The following SLCO3A1 variants were observed in gnomAD, a reference collection of about 807,000 sequenced individuals.
SLCO3A1 encodes PGE1 transporter.
A neutral mutation model predicts 63.1 loss-of-function variants in SLCO3A1; 27 were observed. The ratio of observed to expected loss-of-function variants is 0.43; its 90% confidence interval spans 0.32 to 0.59. SLCO3A1 has a LOEUF of 0.59. Ranked by LOEUF, SLCO3A1 falls within the 20% of genes least tolerant of loss-of-function variation. The pLI is 0.09. For missense variants in SLCO3A1, 773 were observed against 945.8 expected, an observed-to-expected ratio of 0.82 and a Z score of 2.40; for synonymous variants, 473 against 409.9, an observed-to-expected ratio of 1.15 and a Z score of -1.86.
chr15:92,121,287 T>C (rs368330246), intron 5 of SLCO3A1, among the ~76,000 whole-genome samples: 60 of 152,210 alleles, frequency 3.9e-4, no homozygotes, highest in African/African-American at 1.3e-3. Flanking sequence ...TATATCATCC[T>C]TTACTTCAAA....
At chr15:92,008,940 G>T (rs1410785478) in intron 2 of SLCO3A1, among the ~76,000 whole-genome samples, 1 of 152,172 alleles carries the variant, frequency 6.6e-6, no homozygotes, top group Admixed American at 6.5e-5. Flanking sequence ...TATTTGAAGA[G>T]ATTTTATGGA....
At chr15:92,011,452 A>G (rs1461645775) in intron 2 of SLCO3A1, among the ~76,000 whole-genome samples, 1 of 152,216 alleles carries the variant, frequency 6.6e-6, no homozygotes, top group Admixed American at 6.5e-5. Context: ...GTACTCCATA[A>G]ATATGTACAA....
Position 91,955,408 on chromosome 15 carries a change from C to A in SLCO3A1, c.646+38950C>A, listed in dbSNP as rs1900138507. ...AGTGCAATGGCGTGGTTTCAGCTCACTACAACCTCCACCTCCCGGGTTCAA... is the reference window on the plus strand; with the variant it reads ...AGTGCAATGGCGTGGTTTCAGCTCAATACAACCTCCACCTCCCGGGTTCAA... On this transcript the variant is annotated intron_variant, in intron 2 of 9. Coordinates refer to ENST00000318445, the MANE Select transcript of SLCO3A1 (RefSeq NM_013272.4). Among the ~76,000 whole-genome samples the A allele has an allele frequency of 2.0e-5, 3 of 151,914 alleles. No individual in the cohort carries two copies. The South Asian group carries it at 6.2e-4, about 32-fold the overall frequency.
intron 2 of SLCO3A1, among the ~76,000 whole-genome samples, chr15:91,931,452 G>A (rs1899225311): frequency 6.6e-6 from 1 of 151,546 alleles, no homozygotes; most frequent in Admixed American, 6.6e-5. Flanking sequence ...GGCAAACCCT[G>A]CTTCTTCTGC....
chr15:92,160,795 G>A (rs961503926), intron 9 of SLCO3A1, among the ~76,000 whole-genome samples: 2 of 151,992 alleles, frequency 1.3e-5, no homozygotes, highest in African/African-American at 4.8e-5. Context: ...CATTAAAACC[G>A]GGGGAAGGGC....
chr15:91,945,847 G>A (rs1899788336), intron 2 of SLCO3A1, among the ~76,000 whole-genome samples: 1 of 152,210 alleles, frequency 6.6e-6, no homozygotes, highest in Admixed American at 6.5e-5. Flanking sequence ...AGAGAAGGTT[G>A]GAGAGATTTT....
At chr15:91,982,987 C>T (rs1488001387) in intron 2 of SLCO3A1, among the ~76,000 whole-genome samples, 2 of 152,238 alleles carry the variant, frequency 1.3e-5, no homozygotes, top group East Asian at 3.9e-4. Context: ...ATGGCAGCCC[C>T]TGCTTGGGCT....
intron 1 of SLCO3A1, among the ~76,000 whole-genome samples, chr15:91,857,282 A>C (rs1896948720): frequency 6.6e-6 from 1 of 152,192 alleles, no homozygotes; most frequent in Admixed American, 6.5e-5. Flanking sequence ...AGCCAGACTC[A>C]GTGATCTAGA....
At chr15:92,152,430 G>T (rs2048318452) in intron 9 of SLCO3A1, among the ~76,000 whole-genome samples, 1 of 152,194 alleles carries the variant, frequency 6.6e-6, no homozygotes, top group Non-Finnish European at 1.5e-5. Context: ...AACTCAAATG[G>T]CATTGTCCTA....
At chr15:92,039,848 A>G (rs1465762688) in intron 2 of SLCO3A1, among the ~76,000 whole-genome samples, 1 of 152,124 alleles carries the variant, frequency 6.6e-6, no homozygotes, top group Admixed American at 6.5e-5. Context: ...GATAAAGAAA[A>G]TGTGGTACAT....
intron 1 of SLCO3A1, among the ~76,000 whole-genome samples, chr15:91,867,955 G>T (rs752730185): frequency 3.3e-5 from 5 of 152,246 alleles, no homozygotes; most frequent in Non-Finnish European, 5.9e-5. Flanking sequence ...CGCTGGCTGA[G>T]CTAGCTGGAA....
At chr15:92,034,763 T>C (rs368410322) in intron 2 of SLCO3A1, among the ~76,000 whole-genome samples, 2 of 152,048 alleles carry the variant, frequency 1.3e-5, no homozygotes, top group East Asian at 3.9e-4. Flanking sequence ...CCATGTCCCC[T>C]CCAGTGGTGG....
At chr15:92,155,959 C>G (rs1260899712) in intron 9 of SLCO3A1, among the ~76,000 whole-genome samples, 2 of 152,186 alleles carry the variant, frequency 1.3e-5, no homozygotes, top group Non-Finnish European at 2.9e-5. Context: ...GCCTGCCCGC[C>G]TAGCCAAAAG....
intron 1 of SLCO3A1, among the ~76,000 whole-genome samples, chr15:91,899,144 C>A (rs1898085478): frequency 6.6e-6 from 1 of 152,154 alleles, no homozygotes. Context: ...AAATGTACCC[C>A]AGAAACATTC....
rs1336708074 is a variant in SLCO3A1 at position 91,963,405 on chromosome 15, G to T, written c.646+46947G>T. Among the ~76,000 whole-genome samples, 14 of 113,946 alleles carry T rather than the reference G, an allele frequency of 1.2e-4. No individual in the cohort carries two copies. In the East Asian group the frequency reaches 3.8e-3, roughly 31 times the overall value. The allele number at this position is 113,946 out of a possible 152,430, so 74.8% of individuals were successfully genotyped here. ...CTCTCGTGAGGGTTTAACTCGGGGAGGGTGGGGGGGGGGGGCGGCAGCAGC... is the reference window on the plus strand; with the variant it reads ...CTCTCGTGAGGGTTTAACTCGGGGATGGTGGGGGGGGGGGGCGGCAGCAGC... On this transcript the variant is annotated intron_variant, in intron 2 of 9. Transcript: ENST00000318445.
intron 4 of SLCO3A1, among the ~76,000 whole-genome samples, chr15:92,106,988 C>A (rs2047675094): frequency 6.6e-6 from 1 of 152,182 alleles, no homozygotes; most frequent in African/African-American, 2.4e-5. Flanking sequence ...ACAGCCTTGA[C>A]TAAATTGACT....
In SLCO3A1 at chr15:92,163,179, A is replaced by G. The variant is rs747389389; in HGVS notation, c.*44A>G. On this transcript the variant is annotated 3_prime_UTR_variant, in exon 10 of 10. Coordinates refer to ENST00000318445, the MANE Select transcript of SLCO3A1 (RefSeq NM_013272.4). ...ACTCTGTATTAGTAATCCAAGGGTCATTTTTTTCTTAAAAAAAGAAAAAAA... is the reference window on the plus strand; with the variant it reads ...ACTCTGTATTAGTAATCCAAGGGTCGTTTTTTTCTTAAAAAAAGAAAAAAA... The G allele has an allele frequency of 7.1e-7, 1 of 1,416,318 alleles. No individual in the cohort carries two copies. Among genetic ancestry groups the G allele is most frequent in the Admixed American group, 2.7e-5 (1 of 36,828 alleles). 87.7% of individuals were successfully genotyped at this position (1,416,318 alleles called of 1,614,324 possible).
rs573920191 is a variant in SLCO3A1 at position 91,865,365 on chromosome 15, G to A, written c.180+11277G>A. ...TTCACAGTTTATCTGTTGGTGAGGT[G>A]GACATGGGCTTGGAGGGGAGAGGGT... is the stretch of plus-strand genomic sequence containing the variant. On this transcript the variant is annotated intron_variant, in intron 1 of 9. Transcript: ENST00000318445. The surrounding 1 kb of genome is among the most constrained non-coding windows in gnomAD (Gnocchi z 4.6). Among the ~76,000 whole-genome samples, 2 of 152,178 alleles carry A rather than the reference G, an allele frequency of 1.3e-5. No homozygotes were observed. The highest frequency in any genetic ancestry group is 6.5e-5 in the Admixed American group (1 of 15,280).
intron 1 of SLCO3A1, among the ~76,000 whole-genome samples, chr15:91,896,553 G>A (rs1898009535): frequency 6.6e-6 from 1 of 152,154 alleles, no homozygotes; most frequent in South Asian, 2.1e-4. Context: ...TCGTGATAGT[G>A]AATAAGTCTC....
Sources: allele counts gnomAD v4.1 joint callset (sites outside exome capture counted in the v4.1 genomes callset), GRCh38; gene constraint gnomAD v4.1.1; non-coding constraint Gnocchi (gnomAD v3.1); transcripts MANE v1.5; gene names NCBI Gene and HGNC (gene_info 2026-07-23, HGNC 2026-07-21).